Variants in ANXA4 observed in about 807,000 individuals in gnomAD.
ANXA4 encodes annexin A4, also known as 35-beta calcimedin.
Under a neutral mutation model 49.8 loss-of-function variants are expected in ANXA4, and 39 were observed. The observed-to-expected ratio is 0.78, with a 90% CI of 0.61 to 1.02. The LOEUF is 1.02. Among genes scored for constraint, ANXA4 ranks in the 50% least tolerant of loss-of-function variants. The pLI, the probability that ANXA4 is intolerant of heterozygous loss-of-function variation, is 0.00. For synonymous variants in ANXA4, 134 were observed against 152.5 expected (o/e 0.88, Z 0.89); for missense variants, 360 against 410.1 (o/e 0.88, Z 1.05).
chr2:69,823,608 A>C (rs1211990830), intron 12 of ANXA4, among the ~76,000 whole-genome samples: 4 of 152,144 alleles, frequency 2.6e-5, no homozygotes, highest in Non-Finnish European at 5.9e-5. Flanking sequence ...AAAAAGTATT[A>C]AATAGGAGAA....
chr2:69,763,460 A>G (rs1254806982), intron 1 of ANXA4, among the ~76,000 whole-genome samples: 1 of 152,076 alleles, frequency 6.6e-6, no homozygotes, highest in African/African-American at 2.4e-5. Context: ...TTGTGTTTTT[A>G]GAGCCAGAAG....
chr2:69,824,283 A>G, intron 12 of ANXA4, among the ~76,000 whole-genome samples: 1 of 152,124 alleles, frequency 6.6e-6, no homozygotes, highest in East Asian at 1.9e-4. Flanking sequence ...TGAGTGGATC[A>G]CTTGAGGTCA....
chr2:69,781,597 C>T (rs749714666), intron 2 of ANXA4, 23 bp downstream of exon 2: 2 of 1,613,854 alleles, frequency 1.2e-6, no homozygotes, highest in Non-Finnish European at 8.5e-7. Context: ...ATACCTCAAC[C>T]CTATCTGGTG....
chr2:69,669,316 A>G (rs983769983), intron 2 of ANXA4, among the ~76,000 whole-genome samples: 1 of 151,884 alleles, frequency 6.6e-6, no homozygotes, highest in East Asian at 1.9e-4. Flanking sequence ...TTTTGTTTAT[A>G]AAGAATCATA....
intron 1 of ANXA4, among the ~76,000 whole-genome samples, chr2:69,779,803 G>A (rs1342835988): frequency 6.6e-6 from 1 of 152,104 alleles, no homozygotes; most frequent in African/African-American, 2.4e-5. Context: ...AGCCTTCCCT[G>A]GAATGAGCCC....
intron 2 of ANXA4, among the ~76,000 whole-genome samples, chr2:69,666,532 C>G (rs935050448): frequency 7.2e-5 from 11 of 152,158 alleles, no homozygotes; most frequent in Admixed American, 6.5e-4. Flanking sequence ...AAAACTTATA[C>G]ACAAATGTTC....
intron 10 of ANXA4, 120 bp downstream of exon 10, chr2:69,818,814 CAT>C (rs1156944652): frequency 4.8e-6 from 3 of 623,038 alleles, no homozygotes; most frequent in Non-Finnish European, 5.6e-6. Context: ...ATGAATCACT[CAT>C]GTTACATTCC....
chr2:69,646,027 G>A (rs1675998030), intron 1 of ANXA4, among the ~76,000 whole-genome samples: 2 of 152,082 alleles, frequency 1.3e-5, no homozygotes, highest in Admixed American at 6.5e-5. Flanking sequence ...TCTACTTAGA[G>A]AGAGCAAACA....
chr2:69,688,734 T>C (rs567636604), intron 2 of ANXA4, among the ~76,000 whole-genome samples: 3 of 152,352 alleles, frequency 2.0e-5, no homozygotes, highest in African/African-American at 7.2e-5. Context: ...TTTTAATCAA[T>C]TGCTATTGTT....
At chr2:69,790,381 G>C (rs529882583) in intron 3 of ANXA4, among the ~76,000 whole-genome samples, 1 of 152,052 alleles carries the variant, frequency 6.6e-6, no homozygotes, top group Non-Finnish European at 1.5e-5. Context: ...GTCCCTCGTA[G>C]GAGGGCAGTT....
intron 2 of ANXA4, among the ~76,000 whole-genome samples, chr2:69,706,733 G>T (rs114872718): frequency 0.036 from 5,554 of 152,220 alleles, 346 homozygotes; most frequent in African/African-American, 0.13. Flanking sequence ...TCATAGAAAT[G>T]GAATCATACT....
chr2:69,711,342 T>A (rs781237140), intron 2 of ANXA4, among the ~76,000 whole-genome samples: 2 of 152,194 alleles, frequency 1.3e-5, no homozygotes, highest in Admixed American at 6.5e-5. Flanking sequence ...ATGTGTCTAT[T>A]TAATGCAATA....
Position 69,807,959 on chromosome 2 carries a change from T to C in ANXA4, c.360T>C (p.Pro120=). The C allele has an allele frequency of 6.2e-7, 1 of 1,614,106 alleles. No individual in the cohort carries two copies. Among genetic ancestry groups the C allele is most frequent in the Non-Finnish European group, 8.5e-7 (1 of 1,179,988 alleles). ...TTGAGATCCTGGCCTCCCGGACCCC[T>C]GAGGAGATCCGGCGCATAAGCCAAA... ...CLIEILASRT[P]EEIRRISQTY... is the part of the protein sequence containing the mutation. The change falls in exon 6 of 13, where the codon CCT becomes CCC. Residue 120 remains proline (P), a synonymous_variant. Coordinates refer to ENST00000394295, the MANE Select transcript of ANXA4 (RefSeq NM_001153.5).
At chr2:69,802,677 C>T (rs1673259575) in intron 3 of ANXA4, among the ~76,000 whole-genome samples, 1 of 145,664 alleles carries the variant, frequency 6.9e-6, no homozygotes, top group East Asian at 2.1e-4. Flanking sequence ...CACCACTGCA[C>T]TACAGACTGG....
chr2:69,668,931 T>C (rs1458990943), intron 2 of ANXA4, among the ~76,000 whole-genome samples: 1 of 151,990 alleles, frequency 6.6e-6, no homozygotes, highest in Non-Finnish European at 1.5e-5. Flanking sequence ...TCCATTCCTT[T>C]TGAGCCTTTT....
intron 1 of ANXA4, among the ~76,000 whole-genome samples, chr2:69,647,996 A>G (rs17036899): frequency 0.071 from 10,859 of 152,260 alleles, 1,135 homozygotes; most frequent in East Asian, 0.37. Context: ...ATGAACATGT[A>G]TGGTTTGTTA....
chr2:69,805,005 C>T (rs1460351157), intron 4 of ANXA4, among the ~76,000 whole-genome samples: 1 of 139,076 alleles, frequency 7.2e-6, no homozygotes, highest in Non-Finnish European at 1.5e-5. Flanking sequence ...CAAGATCATG[C>T]CACTTCACTC....
chr2:69,773,621 C>CTTTTTTTTTTTTTTTT (rs67161210), intron 1 of ANXA4, among the ~76,000 whole-genome samples: 69 of 93,074 alleles, frequency 7.4e-4, no homozygotes, highest in South Asian at 1.3e-3. Context: ...TTCTTTCCTT[C>CTTTTTTTTTTTTTTTT]TTTTTTTTTT....
intron 1 of ANXA4, among the ~76,000 whole-genome samples, chr2:69,648,110 A>C (rs1236410512): frequency 6.6e-6 from 1 of 152,238 alleles, no homozygotes; most frequent in Non-Finnish European, 1.5e-5. Flanking sequence ...ACCACCATTA[A>C]TTAAAATCCT....
Sources: gnomAD v4.1 joint callset for allele counts (sites outside exome capture counted in the v4.1 genomes callset) on GRCh38, gnomAD v4.1.1 for gene constraint, MANE v1.5 for transcripts, NCBI Gene and HGNC (gene_info 2026-07-23, HGNC 2026-07-21) for gene names.